SPIDR: variants seen among roughly 807,000 people sequenced by gnomAD.
The protein encoded by SPIDR is scaffold protein involved in DNA repair, also known as DNA repair-scaffolding protein.
SPIDR carries 93 observed loss-of-function variants against 104.6 expected under a neutral mutation model. The observed-to-expected ratio is 0.89, with a 90% CI of 0.75 to 1.06. The LOEUF (loss-of-function observed/expected upper bound fraction) is 1.06. SPIDR is among the 50% of genes least tolerant of loss of function. The pLI, the probability that SPIDR is intolerant of heterozygous loss-of-function variation, is 0.00. For synonymous variants in SPIDR, 431 were observed against 416.9 expected, an observed-to-expected ratio of 1.03 and a Z score of -0.41; for missense variants, 1,154 against 1,111.2, an observed-to-expected ratio of 1.04 and a Z score of -0.55.
chr8:47,637,893 A>T (rs1170731370), intron 10 of SPIDR, among the ~76,000 whole-genome samples: 1 of 152,108 alleles, frequency 6.6e-6, no homozygotes, highest in African/African-American at 2.4e-5. Context: ...CCCTTGTTTG[A>T]TGGTGGAGCA....
At chr8:47,715,056 C>T (rs1467178351) in intron 16 of SPIDR, among the ~76,000 whole-genome samples, 1 of 152,070 alleles carries the variant, frequency 6.6e-6, no homozygotes, top group African/African-American at 2.4e-5. Context: ...AAACCCATAC[C>T]CGTTATCATT....
intron 7 of SPIDR, among the ~76,000 whole-genome samples, chr8:47,415,343 A>G (rs1285204094): frequency 6.6e-6 from 1 of 152,166 alleles, no homozygotes; most frequent in Non-Finnish European, 1.5e-5. Context: ...GAATGACAGG[A>G]CAGCCAGGAT....
intron 7 of SPIDR, among the ~76,000 whole-genome samples, chr8:47,416,870 G>A (rs1436185717): frequency 8.6e-5 from 13 of 150,752 alleles, no homozygotes; most frequent in East Asian, 2.0e-4. Flanking sequence ...GTGAGAACAC[G>A]CGGTGTTTGG....
intron 5 of SPIDR, among the ~76,000 whole-genome samples, chr8:47,374,420 C>G (rs1442124905): frequency 6.6e-6 from 1 of 152,140 alleles, no homozygotes; most frequent in Non-Finnish European, 1.5e-5. Context: ...AAAATAAAGA[C>G]TGTATCTATT....
At chr8:47,622,123 G>A (rs920014081) in intron 10 of SPIDR, among the ~76,000 whole-genome samples, 1 of 152,112 alleles carries the variant, frequency 6.6e-6, no homozygotes, top group Admixed American at 6.5e-5. Flanking sequence ...CCAGGGCGAG[G>A]TGCTCAGCCC....
At chr8:47,403,047 G>A (rs1409947747) in intron 6 of SPIDR, among the ~76,000 whole-genome samples, 1 of 152,078 alleles carries the variant, frequency 6.6e-6, no homozygotes, top group Non-Finnish European at 1.5e-5. Context: ...GGGTGGTTCA[G>A]CATACGCAAA....
chr8:47,675,333 G>A (rs999556793), intron 11 of SPIDR, among the ~76,000 whole-genome samples: 1 of 152,174 alleles, frequency 6.6e-6, no homozygotes, highest in African/African-American at 2.4e-5. Flanking sequence ...ACCACGCCCG[G>A]CCAGCTATGT....
At chr8:47,712,054 C>G (rs2081967117) in intron 14 of SPIDR, among the ~76,000 whole-genome samples, 1 of 152,112 alleles carries the variant, frequency 6.6e-6, no homozygotes, top group Non-Finnish European at 1.5e-5. Flanking sequence ...CCATTTGCGT[C>G]TACTGAATCC....
chr8:47,677,175 G>A (rs549008485), intron 11 of SPIDR, among the ~76,000 whole-genome samples: 3 of 152,072 alleles, frequency 2.0e-5, no homozygotes, highest in East Asian at 1.9e-4. Flanking sequence ...ACCTGCCCCC[G>A]ACCACCGACC....
chr8:47,517,692 T>C (rs2083373711), intron 8 of SPIDR, among the ~76,000 whole-genome samples: 2 of 152,244 alleles, frequency 1.3e-5, no homozygotes, highest in Admixed American at 1.3e-4. Context: ...TGAAAAGAAA[T>C]TTGTGAAATT....
intron 8 of SPIDR, among the ~76,000 whole-genome samples, chr8:47,521,074 C>T (rs2083990687): frequency 6.6e-6 from 1 of 152,144 alleles, no homozygotes; most frequent in African/African-American, 2.4e-5. Context: ...AATGTTGGAT[C>T]CAAGACGTCT....
intron 5 of SPIDR, among the ~76,000 whole-genome samples, chr8:47,358,912 A>G (rs1267589705): frequency 6.6e-6 from 1 of 152,156 alleles, no homozygotes; most frequent in Admixed American, 6.5e-5. Context: ...TATTAATAAA[A>G]TAACCTGTGA....
chr8:47,272,746 G>C (rs1270933182), intron 1 of SPIDR, among the ~76,000 whole-genome samples: 1 of 152,108 alleles, frequency 6.6e-6, no homozygotes, highest in African/African-American at 2.4e-5. Flanking sequence ...TCACGATTAG[G>C]AGAAATTAGG....
rs565797951 is a variant in SPIDR at position 47,402,951 on chromosome 8, T to C, written c.777-4910T>C. Among the ~76,000 whole-genome samples the C allele has an allele frequency of 2.0e-5, 3 of 152,286 alleles. No individual in the cohort carries two copies. In the South Asian group the frequency reaches 6.2e-4, roughly 32 times the overall value. On this transcript the variant is annotated intron_variant, in intron 6 of 19. Coordinates refer to ENST00000297423, the MANE Select transcript of SPIDR (RefSeq NM_001080394.4). ...CTGATGAACATCAATGCAAAAATCC[T>C]CAATAAAATACTGGCAAACTGAATG...
chr8:47,397,055 C>T (rs2061326265), intron 6 of SPIDR, among the ~76,000 whole-genome samples: 1 of 152,104 alleles, frequency 6.6e-6, no homozygotes, highest in Admixed American at 6.5e-5. Context: ...CCATGAACTA[C>T]AGTGTCAGTC....
At chr8:47,278,185 G>T (rs1268428548) in intron 1 of SPIDR, among the ~76,000 whole-genome samples, 3 of 150,856 alleles carry the variant, frequency 2.0e-5, no homozygotes, top group Non-Finnish European at 4.4e-5. Context: ...TTGGAGATAG[G>T]ATCTCACTCT....
intron 16 of SPIDR, among the ~76,000 whole-genome samples, chr8:47,716,109 C>T (rs111249166): frequency 0.021 from 3,142 of 152,014 alleles, 104 homozygotes; most frequent in African/African-American, 0.071. Flanking sequence ...GGACTACAGG[C>T]ATGCACCACC....
At chr8:47,592,196 G>A in intron 8 of SPIDR, 1 of 1,377,416 alleles carries the variant, frequency 7.3e-7, no homozygotes, top group African/African-American at 1.4e-5. Context: ...TGTTTCTATG[G>A]CTTGGGCTTT....
chr8:47,300,215 C>T (rs2041797068), intron 5 of SPIDR, among the ~76,000 whole-genome samples: 2 of 152,210 alleles, frequency 1.3e-5, no homozygotes, highest in South Asian at 4.1e-4. Flanking sequence ...CCCGTTTCTC[C>T]TAGATTTTCT....
Sources: allele counts gnomAD v4.1 joint callset (sites outside exome capture counted in the v4.1 genomes callset), GRCh38; gene constraint gnomAD v4.1.1; transcripts MANE v1.5; gene names NCBI Gene and HGNC (gene_info 2026-07-23, HGNC 2026-07-21).